HS3ST4: variants seen among roughly 807,000 people sequenced by gnomAD.
HS3ST4 encodes the protein heparan sulfate-glucosamine 3-sulfotransferase 4, also known as heparan sulfate glucosamine 3-O-sulfotransferase 4.
Under a neutral mutation model 29.2 loss-of-function variants are expected in HS3ST4, and 17 were observed. The ratio of observed to expected loss-of-function variants is 0.58; its 90% CI spans 0.40 to 0.87. HS3ST4 has a LOEUF of 0.87. Among genes scored for constraint, HS3ST4 ranks in the 40% least tolerant of loss-of-function variants. The probability of loss-of-function intolerance (pLI) is 0.00; values close to 1 mark genes in which losing one functional copy is unlikely to be tolerated. For missense variants in HS3ST4, 627 were observed against 634.5 expected (o/e 0.99, Z 0.13); for synonymous variants, 314 against 285.7 (o/e 1.10, Z -1.00).
intron 1 of HS3ST4, among the ~76,000 whole-genome samples, chr16:25,970,618 C>T (rs1343176047): frequency 6.6e-6 from 1 of 151,908 alleles, no homozygotes; most frequent in African/African-American, 2.4e-5. Context: ...CAGGCAATCC[C>T]CTTGTCTTAA....
At chr16:25,904,241 T>C (rs1968158218) in intron 1 of HS3ST4, among the ~76,000 whole-genome samples, 1 of 152,082 alleles carries the variant, frequency 6.6e-6, no homozygotes, top group African/African-American at 2.4e-5. Context: ...AATGGATGAA[T>C]GGATGGATGG....
chr16:25,989,745 A>G (rs1309749036), intron 1 of HS3ST4, among the ~76,000 whole-genome samples: 1 of 152,200 alleles, frequency 6.6e-6, no homozygotes, highest in Non-Finnish European at 1.5e-5. Context: ...AAGACCATAT[A>G]TTAATAGATG....
intron 1 of HS3ST4, among the ~76,000 whole-genome samples, chr16:26,124,729 G>A (rs1011938569): frequency 1.3e-5 from 2 of 152,164 alleles, no homozygotes; most frequent in Non-Finnish European, 2.9e-5. Flanking sequence ...ATAGCTGTGG[G>A]GGCCTTCTAT....
intron 1 of HS3ST4, among the ~76,000 whole-genome samples, chr16:26,070,382 T>C (rs1463326278): frequency 6.6e-6 from 1 of 152,192 alleles, no homozygotes; most frequent in Non-Finnish European, 1.5e-5. Context: ...TTCATATCCT[T>C]CATAGTGGCC....
intron 1 of HS3ST4, among the ~76,000 whole-genome samples, chr16:25,725,332 A>T (rs1022177859): frequency 6.6e-6 from 1 of 152,154 alleles, no homozygotes; most frequent in Non-Finnish European, 1.5e-5. Flanking sequence ...TATCCGAAAA[A>T]TAGCCTTTCT....
chr16:26,116,451 T>C (rs534716350), intron 1 of HS3ST4, among the ~76,000 whole-genome samples: 4 of 152,154 alleles, frequency 2.6e-5, no homozygotes, highest in African/African-American at 9.6e-5. Flanking sequence ...AGGTGGGGAG[T>C]CATATTAGAG....
chr16:26,058,141 A>G (rs1466423184), intron 1 of HS3ST4, among the ~76,000 whole-genome samples: 2 of 152,198 alleles, frequency 1.3e-5, no homozygotes, highest in African/African-American at 4.8e-5. Flanking sequence ...ATGTTCTCCA[A>G]GCTATGTAAC....
At chr16:25,845,647 G>GTAGTAATAATAA (rs1967458313) in intron 1 of HS3ST4, among the ~76,000 whole-genome samples, 1 of 143,330 alleles carries the variant, frequency 7.0e-6, no homozygotes, top group Non-Finnish European at 1.5e-5. Context: ...GGAATAGCAT[G>GTAGTAATAATAA]TAATAATAAT....
chr16:25,954,125 TG>T (rs1408612005), intron 1 of HS3ST4, among the ~76,000 whole-genome samples: 4 of 152,138 alleles, frequency 2.6e-5, no homozygotes, highest in African/African-American at 9.7e-5. Flanking sequence ...CAGAGCAAAA[TG>T]AAAGAAGTGC....
At chr16:25,740,207 C>A (rs960070543) in intron 1 of HS3ST4, among the ~76,000 whole-genome samples, 2 of 151,944 alleles carry the variant, frequency 1.3e-5, no homozygotes, top group African/African-American at 4.8e-5. Context: ...GTGGCAATGG[C>A]AGTAGAAAGG....
chr16:25,706,142 G>A (rs1252114252), intron 1 of HS3ST4, among the ~76,000 whole-genome samples: 2 of 152,272 alleles, frequency 1.3e-5, no homozygotes, highest in Admixed American at 6.5e-5. Flanking sequence ...CTGTTTCACC[G>A]GATTCATCAT....
intron 1 of HS3ST4, among the ~76,000 whole-genome samples, chr16:25,850,685 C>T (rs1398946379): frequency 1.3e-5 from 2 of 152,116 alleles, no homozygotes; most frequent in African/African-American, 4.8e-5. Flanking sequence ...ACAGAGACTC[C>T]GGGGTCTCCA....
At position 25,952,298 on chromosome 16, in the gene HS3ST4, G is replaced by T. The variant is rs1596624341; in HGVS notation, c.735-183314G>T. ...ATGGTCCTTCCCATGGGGTGCAACA[G>T]TCCTGGGCCTCAAAACAGTGACTGT... is the stretch of plus-strand genomic sequence containing the variant. On this transcript the variant is annotated intron_variant, in intron 1 of 1. Transcript: ENST00000331351. Among the ~76,000 whole-genome samples the T allele has an allele frequency of 3.3e-5, 5 of 152,316 alleles. No homozygotes were observed. In the South Asian group the frequency reaches 1.0e-3, roughly 32 times the overall value.
intron 1 of HS3ST4, among the ~76,000 whole-genome samples, chr16:25,708,494 C>T (rs1313700034): frequency 6.6e-6 from 1 of 152,124 alleles, no homozygotes; most frequent in African/African-American, 2.4e-5. Context: ...TTCTTTCCTT[C>T]TTAGCATTCT....
chr16:26,116,316 C>T (rs1049157100), intron 1 of HS3ST4, among the ~76,000 whole-genome samples: 9 of 152,168 alleles, frequency 5.9e-5, no homozygotes, highest in Admixed American at 5.2e-4. Context: ...ATGGAAGTTA[C>T]AATTTTGTGT....
chr16:25,879,569 C>T (rs1387332688), intron 1 of HS3ST4, among the ~76,000 whole-genome samples: 1 of 152,038 alleles, frequency 6.6e-6, no homozygotes, highest in Non-Finnish European at 1.5e-5. Context: ...AGACCCACCC[C>T]CATGATTCAG....
chr16:25,884,620 C>A (rs999148641), intron 1 of HS3ST4, among the ~76,000 whole-genome samples: 1 of 152,160 alleles, frequency 6.6e-6, no homozygotes, highest in East Asian at 1.9e-4. Context: ...GGCTGGAGTG[C>A]AATGGCGTGA....
chr16:25,735,450 G>A (rs1966602055), intron 1 of HS3ST4, among the ~76,000 whole-genome samples: 2 of 151,784 alleles, frequency 1.3e-5, no homozygotes, highest in African/African-American at 4.8e-5. Flanking sequence ...GTGCAGTGGT[G>A]CAATCATGGC....
At chr16:26,025,996 G>A (rs530428565) in intron 1 of HS3ST4, among the ~76,000 whole-genome samples, 2 of 151,986 alleles carry the variant, frequency 1.3e-5, no homozygotes, top group African/African-American at 2.4e-5. Flanking sequence ...GGCTGGTCTC[G>A]ATCTCTTGAT....
Sources: gnomAD v4.1 joint callset for allele counts (sites outside exome capture counted in the v4.1 genomes callset) on GRCh38, gnomAD v4.1.1 for gene constraint, MANE v1.5 for transcripts, NCBI Gene and HGNC (gene_info 2026-07-23, HGNC 2026-07-21) for gene names.